Variants in UBXN4 observed in about 807,000 individuals in gnomAD.
UBXN4 encodes the protein UBX domain-containing protein 4.
Under a neutral mutation model 66.2 loss-of-function variants are expected in UBXN4, and 35 were observed. The observed-to-expected ratio is 0.53, with a 90% confidence interval of 0.40 to 0.70. UBXN4 has a LOEUF of 0.70. Ranked by LOEUF, UBXN4 falls within the 30% of genes least tolerant of loss-of-function variation. The probability of loss-of-function intolerance (pLI) is 0.00; values close to 1 mark genes in which losing one functional copy is unlikely to be tolerated. For synonymous variants in UBXN4, 203 were observed against 204.5 expected, an observed-to-expected ratio of 0.99 and a Z score of 0.06; for missense variants, 533 against 599.8, an observed-to-expected ratio of 0.89 and a Z score of 1.16.
rs540906675 is a variant in UBXN4, at chr2:135,780,338, A to G, written c.1341A>G (p.Thr447=). ...CCACACAGACTTCAGTGAGAGTAAC[A>G]TCGTCAGAACCCCCAAACCCTGCAT... ...PPPTQTSVRV[T]SSEPPNPASS... The change falls in exon 12 of 13, where the codon ACA becomes ACG. Residue 447 remains threonine (T), a synonymous_variant. Transcript: ENST00000272638. 7.4e-6 allele frequency: 12 copies of G among 1,614,200 alleles called. No homozygotes were observed. The Admixed American group carries it at 1.8e-4, about 25-fold the overall frequency.
chr2:135,764,215 T>C (rs992638187), intron 6 of UBXN4, among the ~76,000 whole-genome samples: 2 of 152,172 alleles, frequency 1.3e-5, no homozygotes, highest in Non-Finnish European at 2.9e-5. Context: ...CAGTTGAAAC[T>C]GAGATCTATT....
intron 6 of UBXN4, among the ~76,000 whole-genome samples, chr2:135,767,730 T>A (rs954362594): frequency 6.6e-6 from 1 of 152,226 alleles, no homozygotes; most frequent in Non-Finnish European, 1.5e-5. Context: ...TATTCTTGTA[T>A]ATGTCTTGGT....
intron 1 of UBXN4, among the ~76,000 whole-genome samples, chr2:135,743,626 CTG>C (rs2077191038): frequency 6.6e-6 from 1 of 152,096 alleles, no homozygotes; most frequent in Non-Finnish European, 1.5e-5. Flanking sequence ...AAGGAAAAAA[CTG>C]AACAATTTGT....
intron 8 of UBXN4, among the ~76,000 whole-genome samples, 166 bp from the exon 9 acceptor site, chr2:135,772,254 C>T (rs1283207377): frequency 6.6e-6 from 1 of 151,974 alleles, no homozygotes; most frequent in Non-Finnish European, 1.5e-5. Context: ...CCCAGGTGTT[C>T]AGAGGCTGCA....
chr2:135,781,459 A>G (rs2077448485), intron 12 of UBXN4, among the ~76,000 whole-genome samples: 1 of 152,246 alleles, frequency 6.6e-6, no homozygotes, highest in Non-Finnish European at 1.5e-5. Context: ...TATAGGCATT[A>G]TAACAAATCT....
chr2:135,742,163 G>C, intron 1 of UBXN4, 152 bp downstream of exon 1: 1 of 903,860 alleles, frequency 1.1e-6, no homozygotes, highest in Admixed American at 2.7e-5. Context: ...CCCAGGGACG[G>C]CTGCGACTCC....
rs766131249 is a variant in UBXN4 at position 135,755,580 on chromosome 2, A to G, written c.397A>G (p.Thr133Ala). 2.5e-6 allele frequency: 4 copies of G among 1,608,280 alleles called. No individual in the cohort carries two copies. The highest frequency in any genetic ancestry group is 2.2e-5 in the South Asian group (2 of 90,184). Residue 133 changes from threonine (T) to alanine (A), a missense_variant, in exon 5 of 13, where the codon ACT becomes GCT. Thr to Ala is a moderately conservative substitution (Grantham distance 58, BLOSUM62 0). Around this residue, in one of 2 missense-constraint regions of UBXN4, gnomAD observed 529 missense variants for 580.1 expected, o/e 0.91. Coordinates refer to ENST00000272638, the MANE Select transcript of UBXN4 (RefSeq NM_014607.4). ...NGSQSESSVSTPSASFEPNNT... is the reference protein window; with the variant it reads ...NGSQSESSVSAPSASFEPNNT... ...CAGTCAGTCAGAAAGTTCAGTGTCTACTCCATCTGCGTCATTTGAACCTAA... is the reference window on the plus strand; with the variant it reads ...CAGTCAGTCAGAAAGTTCAGTGTCTGCTCCATCTGCGTCATTTGAACCTAA...
At position 135,741,855 on chromosome 2, in the gene UBXN4, G is replaced by A. The variant is rs2077175136; in HGVS notation, c.-75G>A. On this transcript the variant is annotated 5_prime_UTR_variant, in exon 1 of 13. Transcript: ENST00000272638. ...GGTTGCGGGGGCCGCAGAGCCGGAC[G>A]AAGACGGAGGGCGGAGCCGGCTTCG... 1 of 1,516,252 alleles carries A rather than the reference G, an allele frequency of 6.6e-7. No homozygotes were observed. The highest frequency in any genetic ancestry group is 1.4e-5 in the African/African-American group (1 of 71,042). The allele number at this position is 1,516,252 out of a possible 1,614,324, so 93.9% of individuals were successfully genotyped here.
chr2:135,765,155 G>A (rs1243273546), intron 6 of UBXN4, among the ~76,000 whole-genome samples: 1 of 151,858 alleles, frequency 6.6e-6, no homozygotes, highest in Non-Finnish European at 1.5e-5. Context: ...TGTGAAATAG[G>A]AATCTTTTAG....
In UBXN4 at chr2:135,782,810, A is replaced by T. The variant is rs781246431; in HGVS notation, c.1450A>T (p.Ile484Phe). 6.2e-7 allele frequency: 1 copy of T among 1,614,044 alleles called. No homozygotes were observed. The highest frequency in any genetic ancestry group is 8.5e-7 in the Non-Finnish European group (1 of 1,179,944). ...AGACGACTTTAAAAAGGAGGGGAAA[A>T]TTTATAGATTAAGGACTCAAGATGA... ...RGDDFKKEGKIYRLRTQDDGE... is the reference protein window; with the variant it reads ...RGDDFKKEGKFYRLRTQDDGE... The change falls in exon 13 of 13, where the codon ATT (isoleucine) becomes TTT (phenylalanine). Residue 484 changes from isoleucine to phenylalanine, a missense_variant. By Grantham distance (21) the Ile-to-Phe change is conservative. Transcript: ENST00000272638.
At position 135,758,187 on chromosome 2, in the gene UBXN4, G is replaced by A. The variant is rs187651100; in HGVS notation, c.508+2496G>A. On this transcript the variant is annotated intron_variant, in intron 5 of 12. Coordinates refer to ENST00000272638, the MANE Select transcript of UBXN4 (RefSeq NM_014607.4). ...TCTCCTAGGTTCAAGCGATTCTCCT[G>A]CCTCAGCCTGCTGAGTAGCTGGGAT... Among the ~76,000 whole-genome samples, 32 of 151,472 alleles carry A rather than the reference G, an allele frequency of 2.1e-4. No homozygotes were observed. The Middle Eastern group carries it at 0.01, about 48-fold the overall frequency.
rs1385842821 is a variant in UBXN4 at position 135,754,295 on chromosome 2, T to C, written c.333+18T>C. 2 of 1,582,262 alleles carry C rather than the reference T, an allele frequency of 1.3e-6. No homozygotes were observed. The highest frequency in any genetic ancestry group is 1.7e-4 in the Middle Eastern group (1 of 5,954). ...TCCGACAGGTAAGAAGGAACAGAAC[T>C]GTTGTTTCCGTAAATGGTACGTCAG... On this transcript the variant is annotated intron_variant, in intron 4 of 12. Coordinates refer to ENST00000272638, the MANE Select transcript of UBXN4 (RefSeq NM_014607.4).
At chr2:135,779,416 T>A (rs2077436525) in intron 11 of UBXN4, among the ~76,000 whole-genome samples, 1 of 152,186 alleles carries the variant, frequency 6.6e-6, no homozygotes. Context: ...TGCTCTACTG[T>A]TTGCCAAAAA....
chr2:135,761,258 T>C (rs1035723694), intron 5 of UBXN4, among the ~76,000 whole-genome samples: 10 of 152,170 alleles, frequency 6.6e-5, no homozygotes, highest in African/African-American at 2.4e-4. Context: ...CAAAGAAAAC[T>C]AGCATAAAGA....
At chr2:135,778,167 A>G (rs2077429303) in intron 10 of UBXN4, among the ~76,000 whole-genome samples, 1 of 143,996 alleles carries the variant, frequency 6.9e-6, no homozygotes, top group African/African-American at 2.6e-5. Flanking sequence ...ACAGAGCAAG[A>G]CTGTCTCAAA....
intron 2 of UBXN4, among the ~76,000 whole-genome samples, chr2:135,751,566 A>G (rs1490041743): frequency 1.3e-5 from 2 of 150,308 alleles, no homozygotes; most frequent in African/African-American, 4.9e-5. Flanking sequence ...TGTAGACTGC[A>G]TGCTGATAGA....
chr2:135,773,037 C>CAAAA (rs78669415), intron 9 of UBXN4, among the ~76,000 whole-genome samples: 1,834 of 78,710 alleles, frequency 0.023, 5 homozygotes, highest in Middle Eastern at 0.034. Flanking sequence ...ACTCCGTCCC[C>CAAAA]AAAAAAAAAA....
intron 2 of UBXN4, among the ~76,000 whole-genome samples, 185 bp downstream of exon 2, chr2:135,748,554 A>T (rs1191281298): frequency 6.6e-6 from 1 of 151,176 alleles, no homozygotes; most frequent in Admixed American, 6.6e-5. Context: ...ACATAGTGAG[A>T]CCCTGTCTCT....
At chr2:135,778,102 G>A (rs1440932004) in intron 10 of UBXN4, among the ~76,000 whole-genome samples, 3 of 151,240 alleles carry the variant, frequency 2.0e-5, no homozygotes, top group Admixed American at 6.6e-5. Flanking sequence ...GTGTGAACCC[G>A]GGAGGTGGAG....
Sources: allele counts gnomAD v4.1 joint callset (sites outside exome capture counted in the v4.1 genomes callset), GRCh38; gene constraint gnomAD v4.1.1; regional missense constraint gnomAD v4.1.1; transcripts MANE v1.5; gene names NCBI Gene and HGNC (gene_info 2026-07-23, HGNC 2026-07-21).